Variants in MAN1A2 observed in about 807,000 individuals in gnomAD.
The protein encoded by MAN1A2 is mannosidase alpha class 1A member 2.
Under a neutral mutation model 75.7 loss-of-function variants are expected in MAN1A2, and 26 were observed. That is an observed-to-expected ratio of 0.34 (90% CI 0.25 to 0.48). The LOEUF (loss-of-function observed/expected upper bound fraction) is 0.48. MAN1A2 is among the 20% of genes least tolerant of loss of function. The pLI is 0.99. For missense variants in MAN1A2, 562 were observed against 775.5 expected (o/e 0.72, Z 3.27); for synonymous variants, 247 against 264.6 (o/e 0.93, Z 0.65).
intron 8 of MAN1A2, among the ~76,000 whole-genome samples, chr1:117,474,496 T>G (rs942370100): frequency 3.3e-5 from 5 of 151,856 alleles, no homozygotes; most frequent in Non-Finnish European, 5.9e-5. Context: ...TTTCTTTATT[T>G]TCAAGTTCCT....
At chr1:117,425,240 CAA>C (rs1448546191) in intron 5 of MAN1A2, among the ~76,000 whole-genome samples, 1 of 152,040 alleles carries the variant, frequency 6.6e-6, no homozygotes, top group Non-Finnish European at 1.5e-5. Flanking sequence ...AAGGAAAAAA[CAA>C]AACTCCCAAC....
At chr1:117,445,543 TAG>T (rs1004756165) in intron 6 of MAN1A2, among the ~76,000 whole-genome samples, 10 of 151,588 alleles carry the variant, frequency 6.6e-5, no homozygotes, top group African/African-American at 2.4e-4. Context: ...GGGGCTGGTT[TAG>T]AGACAAGGTC....
chr1:117,431,221 GA>G (rs1648646773), intron 5 of MAN1A2, among the ~76,000 whole-genome samples: 3 of 53,016 alleles, frequency 5.7e-5, no homozygotes, highest in Non-Finnish European at 7.9e-5. Flanking sequence ...GGGGGAGGGG[GA>G]GGGGGAGGGG....
rs1034219900 is a variant in MAN1A2 at position 117,525,648 on chromosome 1, G to A, written c.*2691G>A. 2 of 151,674 alleles carry A rather than the reference G, an allele frequency of 1.3e-5. No homozygotes were observed. The highest frequency in any genetic ancestry group is 2.9e-5 in the Non-Finnish European group (2 of 67,814). The allele number at this position is 151,674 out of a possible 1,614,324, so 9.4% of individuals were successfully genotyped here. ...TAGATACATCAGTTGGTGCATAATC[G>A]AAAAAAATAGGAATTTTGAACACTG... On this transcript the variant is annotated 3_prime_UTR_variant, in exon 13 of 13. Transcript: ENST00000356554.
chr1:117,406,432 A>G (rs905229018), intron 3 of MAN1A2, among the ~76,000 whole-genome samples: 1 of 152,154 alleles, frequency 6.6e-6, no homozygotes, highest in Non-Finnish European at 1.5e-5. Flanking sequence ...TGATTTTATT[A>G]CCTGTAGTAA....
rs750560555 is a variant in MAN1A2, at chr1:117,368,328, CTG to C, written c.149_150del (p.Cys50PhefsTer17). ...LLLILSAFITLCFGAFFFLPD... is the reference protein window; with the variant it reads ...LLLILSAFITXCFGAFFFLPD... ...CCTTATTCTTAGTGCCTTCATCACT[CTG>C]TGTTTTGGGGCATTCTTTTTCCTTC... On this transcript the variant is annotated frameshift_variant, in exon 1 of 13. Coordinates refer to ENST00000356554, the MANE Select transcript of MAN1A2 (RefSeq NM_006699.5). LOFTEE classifies it high-confidence loss of function. 4.3e-6 allele frequency: 7 copies of C among 1,614,118 alleles called. No individual in the cohort carries two copies. Among genetic ancestry groups the C allele is most frequent in the Non-Finnish European group, 5.9e-6 (7 of 1,180,014 alleles).
Position 117,460,604 on chromosome 1 carries a change from T to G in MAN1A2, c.1066T>G (p.Tyr356Asp). ...LSYLTGDLTY[Y>D]KKVMHIRKLL... ...CTACTTGACAGGGGACCTGACTTAC[T>G]ACAAAAAGGTTTGTTTTCTTGCCTT... The change falls in exon 7 of 13, where the codon TAC (tyrosine) becomes GAC (aspartate). Residue 356 changes from tyrosine to aspartate, a missense_variant. Tyr to Asp is a radical substitution (Grantham distance 160). Around this residue, in one of 2 missense-constraint regions of MAN1A2, gnomAD observed 434 missense variants for 645.7 expected, o/e 0.67. Coordinates refer to ENST00000356554, the MANE Select transcript of MAN1A2 (RefSeq NM_006699.5). The G allele has an allele frequency of 6.2e-7, 1 of 1,601,402 alleles. No individual in the cohort carries two copies. Among genetic ancestry groups the G allele is most frequent in the East Asian group, 2.2e-5 (1 of 44,468 alleles).
intron 1 of MAN1A2, among the ~76,000 whole-genome samples, chr1:117,378,379 A>G (rs1193176051): frequency 6.6e-6 from 1 of 152,182 alleles, no homozygotes; most frequent in Non-Finnish European, 1.5e-5. Flanking sequence ...ATCATTCTGC[A>G]AGTTGTTTTC....
At chr1:117,427,661 A>G (rs530226109) in intron 5 of MAN1A2, among the ~76,000 whole-genome samples, 64 of 152,318 alleles carry the variant, frequency 4.2e-4, no homozygotes, top group Non-Finnish European at 8.2e-4. Flanking sequence ...ATACCAACCA[A>G]ATGTAGGCAT....
intron 12 of MAN1A2, among the ~76,000 whole-genome samples, chr1:117,504,387 T>C (rs1426727318): frequency 1.3e-5 from 2 of 151,132 alleles, no homozygotes; most frequent in African/African-American, 4.8e-5. Flanking sequence ...TTCACCTAGT[T>C]TTGCCACATT....
At chr1:117,498,259 A>C (rs1167308487) in intron 10 of MAN1A2, among the ~76,000 whole-genome samples, 2 of 151,834 alleles carry the variant, frequency 1.3e-5, no homozygotes, top group Non-Finnish European at 2.9e-5. Context: ...AACATTGAGG[A>C]CCAGGATGGA....
intron 1 of MAN1A2, among the ~76,000 whole-genome samples, chr1:117,382,082 G>GA (rs1653363425): frequency 2.0e-5 from 3 of 151,918 alleles, no homozygotes; most frequent in African/African-American, 4.8e-5. Flanking sequence ...CTGGATATTA[G>GA]CCCTTTGTCA....
intron 7 of MAN1A2, among the ~76,000 whole-genome samples, chr1:117,461,083 A>G (rs949082317): frequency 3.3e-5 from 5 of 152,214 alleles, no homozygotes; most frequent in African/African-American, 1.2e-4. Flanking sequence ...AATCAGTAGC[A>G]TTTCTCTACA....
In MAN1A2 at chr1:117,523,411, C is replaced by A; in HGVS notation, c.*454C>A. 3.0e-6 allele frequency: 1 copy of A among 336,836 alleles called. No homozygotes were observed. The highest frequency in any genetic ancestry group is 2.2e-5 in the African/African-American group (1 of 45,952). The allele number at this position is 336,836 out of a possible 1,614,324, so 20.9% of individuals were successfully genotyped here. On this transcript the variant is annotated 3_prime_UTR_variant, in exon 13 of 13. Transcript: ENST00000356554. ...TTACATATTGCTTATCACTTTTTCT[C>A]CATTTTAATAATGGAATGAACTAAA...
chr1:117,445,840 T>TTGTGTGTGTG (rs1257064936), intron 6 of MAN1A2, among the ~76,000 whole-genome samples: 1 of 79,934 alleles, frequency 1.3e-5, no homozygotes, highest in African/African-American at 5.0e-5. Context: ...ATTTTCATAT[T>TTGTGTGTGTG]TGTGTGTGTG....
chr1:117,401,439 A>T (rs1206772131), intron 1 of MAN1A2, among the ~76,000 whole-genome samples: 1 of 152,182 alleles, frequency 6.6e-6, no homozygotes, highest in Non-Finnish European at 1.5e-5. Flanking sequence ...AGTGTTTTAC[A>T]GTAAGTACCA....
At chr1:117,425,552 A>G (rs1423540709) in intron 5 of MAN1A2, among the ~76,000 whole-genome samples, 1 of 152,214 alleles carries the variant, frequency 6.6e-6, no homozygotes, top group East Asian at 1.9e-4. Context: ...TTGATGTTCA[A>G]AAATCAACCA....
At chr1:117,414,883 A>G (rs7546882) in intron 4 of MAN1A2, 52 bp downstream of exon 4, 87,064 of 1,065,620 alleles carry the variant, frequency 0.082, 4,010 homozygotes, top group Middle Eastern at 0.12. Flanking sequence ...AAAAGACACA[A>G]TGTCTAACTG....
chr1:117,514,074 T>A (rs746848317), intron 12 of MAN1A2, among the ~76,000 whole-genome samples: 1 of 152,100 alleles, frequency 6.6e-6, no homozygotes, highest in Non-Finnish European at 1.5e-5. Context: ...TGTTTGGAAG[T>A]TTTACAGGCT....
Sources: allele counts gnomAD v4.1 joint callset (sites outside exome capture counted in the v4.1 genomes callset), GRCh38; gene constraint gnomAD v4.1.1; regional missense constraint gnomAD v4.1.1; transcripts MANE v1.5; gene names NCBI Gene and HGNC (gene_info 2026-07-23, HGNC 2026-07-21).